ESR1: variants seen among roughly 807,000 people sequenced by gnomAD.
ESR1 encodes estrogen receptor.
In ESR1, 12 loss-of-function variants were observed where a neutral mutation model predicts 52.7. The ratio of observed to expected loss-of-function variants is 0.23; its 90% CI spans 0.15 to 0.37. The LOEUF (loss-of-function observed/expected upper bound fraction) is 0.37, where lower values mean the gene tolerates loss of function less well. Among genes scored for constraint, ESR1 ranks in the 10% least tolerant of loss-of-function variants. The pLI is 1.00. For synonymous variants in ESR1, 305 were observed against 316.8 expected (o/e 0.96, Z 0.39); for missense variants, 584 against 779.7 (o/e 0.75, Z 2.99).
intron 3 of ESR1, among the ~76,000 whole-genome samples, chr6:151,887,166 G>A (rs1420588698): frequency 6.6e-6 from 1 of 151,980 alleles, no homozygotes; most frequent in African/African-American, 2.4e-5. Flanking sequence ...AAGATTTGTA[G>A]CTGCATGTGA....
At chr6:151,763,903 A>G (rs1015059555) in intron 2 of ESR1, among the ~76,000 whole-genome samples, 3 of 152,160 alleles carry the variant, frequency 2.0e-5, no homozygotes, top group Non-Finnish European at 2.9e-5. Flanking sequence ...GGAGTGACGG[A>G]AGGCCTTGGA....
At chr6:151,763,515 T>C (rs112653517) in intron 2 of ESR1, among the ~76,000 whole-genome samples, 1,647 of 152,304 alleles carry the variant, frequency 0.011, 34 homozygotes, top group African/African-American at 0.037. Flanking sequence ...GTCTTTTTTT[T>C]CCCCCTAGGG....
At chr6:151,750,161 T>G (rs537079175) in intron 2 of ESR1, among the ~76,000 whole-genome samples, 1 of 152,312 alleles carries the variant, frequency 6.6e-6, no homozygotes, top group Non-Finnish European at 1.5e-5. Context: ...GAGTTTTATA[T>G]ATTCAAACTC....
In ESR1 at chr6:152,098,363, T is replaced by G. The variant is rs2152504817; in HGVS notation, c.1554-369T>G. ...TATCTCATGTTGTCTTTTTAGAAGC[T>G]TTGGCGATCCTATTTGAATGCATTT... On this transcript the variant is annotated intron_variant, in intron 7 of 7. Coordinates refer to ENST00000206249, the MANE Select transcript of ESR1 (RefSeq NM_000125.4). This position sits in a 1 kb window ranked among gnomAD's most constrained non-coding sequence, Gnocchi z 5.1. Among the ~76,000 whole-genome samples, 1 of 152,186 alleles carries G rather than the reference T, an allele frequency of 6.6e-6. No homozygotes were observed. Among genetic ancestry groups the G allele is most frequent in the East Asian group, 1.9e-4 (1 of 5,140 alleles).
At chr6:151,681,892 CCTG>C (rs1359793799) in intron 1 of ESR1, among the ~76,000 whole-genome samples, 7 of 152,252 alleles carry the variant, frequency 4.6e-5, no homozygotes, top group African/African-American at 1.7e-4. Flanking sequence ...TTCCGGAAGA[CCTG>C]CTCACCACGA....
intron 1 of ESR1, among the ~76,000 whole-genome samples, chr6:151,818,806 T>TAC (rs5880941): frequency 0.075 from 11,119 of 149,232 alleles, 898 homozygotes; most frequent in African/African-American, 0.18. Flanking sequence ...TATACACATA[T>TAC]ATACACACAC....
intron 1 of ESR1, among the ~76,000 whole-genome samples, chr6:151,818,603 C>T (rs1780042977): frequency 6.6e-6 from 1 of 152,042 alleles, no homozygotes; most frequent in Admixed American, 6.5e-5. Context: ...CAGTACTGGT[C>T]ATTTTCTAGG....
At chr6:151,763,493 G>C (rs1784810550) in intron 2 of ESR1, among the ~76,000 whole-genome samples, 1 of 152,156 alleles carries the variant, frequency 6.6e-6, no homozygotes. Flanking sequence ...TTTGATGTGC[G>C]TACATATGTG....
At chr6:152,062,575 G>A (rs921759421) in intron 6 of ESR1, among the ~76,000 whole-genome samples, 1 of 152,198 alleles carries the variant, frequency 6.6e-6, no homozygotes, top group Admixed American at 6.5e-5. Context: ...TCAGTCGTTT[G>A]TCCTGTACAT....
intron 6 of ESR1, among the ~76,000 whole-genome samples, chr6:152,093,966 C>T (rs908493306): frequency 1.3e-5 from 2 of 152,188 alleles, no homozygotes; most frequent in Non-Finnish European, 2.9e-5. Context: ...AGTTCCCTAG[C>T]AGGTTAGTGA....
chr6:152,047,711 C>T (rs1302790891), intron 5 of ESR1, among the ~76,000 whole-genome samples: 1 of 152,164 alleles, frequency 6.6e-6, no homozygotes, highest in African/African-American at 2.4e-5. Flanking sequence ...ATGCATGTAA[C>T]AACATTGCAT....
At chr6:151,762,130 T>C (rs1784703334) in intron 2 of ESR1, among the ~76,000 whole-genome samples, 2 of 152,188 alleles carry the variant, frequency 1.3e-5, no homozygotes, top group South Asian at 4.1e-4. Flanking sequence ...GCAGCTAAGG[T>C]TGACAACACT....
intron 1 of ESR1, among the ~76,000 whole-genome samples, chr6:151,691,212 C>T (rs1778913708): frequency 6.6e-6 from 1 of 152,238 alleles, no homozygotes; most frequent in Non-Finnish European, 1.5e-5. Flanking sequence ...ACGAGCCCCT[C>T]TGTCTTGAAA....
At chr6:151,869,996 C>T (rs1458154962) in intron 2 of ESR1, among the ~76,000 whole-genome samples, 3 of 152,126 alleles carry the variant, frequency 2.0e-5, no homozygotes, top group African/African-American at 7.2e-5. Context: ...TGAATGTCCT[C>T]ACTGGATTTT....
intron 2 of ESR1, among the ~76,000 whole-genome samples, chr6:151,720,453 AC>A (rs1415288967): frequency 3.9e-5 from 6 of 152,206 alleles, no homozygotes; most frequent in Admixed American, 3.3e-4. Flanking sequence ...AATGAATTCC[AC>A]AAGATGCTCC....
At chr6:151,819,733 G>T (rs978545307) in intron 1 of ESR1, among the ~76,000 whole-genome samples, 1 of 152,108 alleles carries the variant, frequency 6.6e-6, no homozygotes, top group African/African-American at 2.4e-5. Context: ...AATAAAGTGC[G>T]CAATAAATGT....
intron 2 of ESR1, among the ~76,000 whole-genome samples, chr6:151,741,167 G>C (rs932380705): frequency 1.3e-5 from 2 of 152,010 alleles, no homozygotes; most frequent in South Asian, 4.2e-4. Context: ...AATCTTTCTG[G>C]TATCATAACT....
chr6:151,755,828 G>A (rs990100560), intron 2 of ESR1, among the ~76,000 whole-genome samples: 7 of 151,718 alleles, frequency 4.6e-5, no homozygotes, highest in African/African-American at 7.3e-5. Flanking sequence ...AAGGGGTTTC[G>A]CCATGTTGGC....
intron 2 of ESR1, among the ~76,000 whole-genome samples, chr6:151,870,958 C>T (rs1001349127): frequency 2.5e-4 from 38 of 151,880 alleles, no homozygotes; most frequent in African/African-American, 8.7e-4. Context: ...ATCAAGTGAT[C>T]CTCCCACCTC....
Sources: allele counts gnomAD v4.1 joint callset (sites outside exome capture counted in the v4.1 genomes callset), GRCh38; gene constraint gnomAD v4.1.1; non-coding constraint Gnocchi (gnomAD v3.1); transcripts MANE v1.5; gene names NCBI Gene and HGNC (gene_info 2026-07-23, HGNC 2026-07-21).